The following IQUB variants were observed in gnomAD, a reference collection of about 807,000 sequenced individuals.
IQUB encodes the protein IQ motif and ubiquitin domain containing.
A neutral mutation model predicts 86.4 loss-of-function variants in IQUB; 86 were observed. The ratio of observed to expected loss-of-function variants is 1.00; its 90% confidence interval spans 0.84 to 1.19. The LOEUF is 1.19. Among genes scored for constraint, IQUB ranks in the 50% most tolerant of loss-of-function variants. The pLI is 0.00. For missense variants in IQUB, 946 were observed against 916.9 expected, an observed-to-expected ratio of 1.03 and a Z score of -0.41; for synonymous variants, 289 against 304.5, an observed-to-expected ratio of 0.95 and a Z score of 0.53.
intron 7 of IQUB, among the ~76,000 whole-genome samples, chr7:123,487,518 G>T (rs1399145587): frequency 6.6e-6 from 1 of 152,174 alleles, no homozygotes; most frequent in African/African-American, 2.4e-5. Flanking sequence ...TGCCTGTGAT[G>T]ACATTCTGTC....
At chr7:123,493,638 C>A (rs1795570706) in intron 7 of IQUB, among the ~76,000 whole-genome samples, 1 of 151,708 alleles carries the variant, frequency 6.6e-6, no homozygotes, top group Admixed American at 6.6e-5. Context: ...CTCTAAAAAA[C>A]CATCTGGCAG....
Position 123,452,815 on chromosome 7 carries a change from A to G in IQUB, c.2304T>C (p.Ile768=), listed in dbSNP as rs758826259. The change falls in exon 13 of 13, where the codon ATT becomes ATC. Residue 768 remains isoleucine (I), a synonymous_variant. Transcript: ENST00000324698. The part of the protein sequence containing the change: ...LASFILDDGE[I]DEIRWKYHSD... ...AGTGATACTTCCATCTGATCTCATC[A>G]ATTTCACCATCATCAAGTATAAATG... is the stretch of plus-strand genomic sequence containing the variant. 7 of 1,613,690 alleles carry G rather than the reference A, an allele frequency of 4.3e-6. No homozygotes were observed. The highest frequency in any genetic ancestry group is 5.1e-6 in the Non-Finnish European group (6 of 1,179,702).
Position 123,502,950 on chromosome 7 carries a change from A to C in IQUB, c.861T>G (p.Asp287Glu). The C allele has an allele frequency of 6.2e-7, 1 of 1,609,396 alleles. No individual in the cohort carries two copies. ...IPERLSIFCR[D>E]TQTVFQKKNL... ...AGACAAATAAAAACATTACCTGCGT[A>C]TCCCTACAAAATATACTGAGTCTTT... The change falls in exon 5 of 13, where the codon GAT (aspartate) becomes GAG (glutamate). Residue 287 changes from aspartate (D) to glutamate (E), a missense_variant. Physicochemically the swap from Asp to Glu is conservative, Grantham distance 45. Transcript: ENST00000324698.
intron 1 of IQUB, chr7:123,532,904 C>T (rs544136703): frequency 0.011 from 1,733 of 152,434 alleles, 17 homozygotes; most frequent in Middle Eastern, 0.041. Flanking sequence ...CGGAAGGCGC[C>T]GCCAGTGACC....
At chr7:123,484,054 C>T (rs570227370) in intron 7 of IQUB, among the ~76,000 whole-genome samples, 55 of 152,138 alleles carry the variant, frequency 3.6e-4, no homozygotes, top group African/African-American at 1.2e-3. Flanking sequence ...ATTTCTTTCT[C>T]TTCTCAAATT....
Position 123,503,234 on chromosome 7 carries a change from A to G in IQUB, c.662T>C (p.Val221Ala), listed in dbSNP as rs758190050. The change falls in exon 4 of 13, where the codon GTC (valine) becomes GCC (alanine). Residue 221 changes from valine (V) to alanine (A), a missense_variant. Coordinates refer to ENST00000324698, the MANE Select transcript of IQUB (RefSeq NM_178827.5). ...PVRRIDGLTD[V>A]SQIITVTVQT... is the part of the protein sequence containing the mutation. The stretch of plus-strand genomic sequence containing the variant: ...GACAGTGACAGTTATGATTTGAGAG[A>G]CATCAGTTAATCCATCTATTCTTCT... The G allele has an allele frequency of 6.2e-7, 1 of 1,612,316 alleles. No individual in the cohort carries two copies. The highest frequency in any genetic ancestry group is 1.1e-5 in the South Asian group (1 of 90,660).
At chr7:123,482,226 T>C (rs575026763) in intron 7 of IQUB, among the ~76,000 whole-genome samples, 125 of 152,156 alleles carry the variant, frequency 8.2e-4, no homozygotes, top group Non-Finnish European at 1.6e-3. Flanking sequence ...TTGGAGAGTA[T>C]GTTTTATATT....
intron 6 of IQUB, chr7:123,502,202 TAAAAC>T (rs1795976698): frequency 6.1e-6 from 1 of 164,286 alleles, no homozygotes; most frequent in Non-Finnish European, 1.3e-5. Context: ...TGCAAAAAAA[TAAAAC>T]AGAGTTGGAG....
At chr7:123,511,781 G>C (rs886721358) in intron 2 of IQUB, among the ~76,000 whole-genome samples, 163 bp downstream of exon 2, 2 of 152,144 alleles carry the variant, frequency 1.3e-5, no homozygotes, top group Non-Finnish European at 2.9e-5. Context: ...TTCACAAATA[G>C]TTAAGAGATT....
intron 1 of IQUB, among the ~76,000 whole-genome samples, chr7:123,515,911 A>G (rs115786494): frequency 0.015 from 2,307 of 152,240 alleles, 50 homozygotes; most frequent in African/African-American, 0.052. Context: ...ACCAAAGCCT[A>G]AGGGTAAAGA....
intron 7 of IQUB, 133 bp from the exon 8 acceptor site, chr7:123,480,103 C>T (rs1362197990): frequency 4.6e-6 from 3 of 651,200 alleles, no homozygotes; most frequent in East Asian, 2.9e-5. Flanking sequence ...TTCTATTGTA[C>T]ACCTGATGCA....
At chr7:123,488,043 C>T (rs187688878) in intron 7 of IQUB, among the ~76,000 whole-genome samples, 12 of 151,858 alleles carry the variant, frequency 7.9e-5, no homozygotes, top group Admixed American at 2.6e-4. Context: ...GACAGCATAA[C>T]AAACAATTTT....
In IQUB at chr7:123,510,541, G is replaced by A. The variant is rs528472397; in HGVS notation, c.398-506C>T. Reference sequence around the variant, plus strand: ...GATTATCTGTTCATGAATATAGGAGGGAAATACAGTATGTAAAAAGTAATT... The same window carrying A: ...GATTATCTGTTCATGAATATAGGAGAGAAATACAGTATGTAAAAAGTAATT... On this transcript the variant is annotated intron_variant, in intron 2 of 12. Transcript: ENST00000324698. 6.1e-4 allele frequency among the ~76,000 whole-genome samples: 93 copies of A among 152,000 alleles called. 2 individuals carry two copies. In the South Asian group the frequency reaches 0.019, roughly 31 times the overall value.
At chr7:123,492,761 A>T (rs911327858) in intron 7 of IQUB, among the ~76,000 whole-genome samples, 1 of 152,104 alleles carries the variant, frequency 6.6e-6, no homozygotes, top group Non-Finnish European at 1.5e-5. Flanking sequence ...GGCCTCTCAG[A>T]TGATTCAAAC....
At position 123,512,375 on chromosome 7, in the gene IQUB, C is replaced by T. The variant is rs371111945; in HGVS notation, c.-4-31G>A. The T allele has an allele frequency of 5.2e-6, 7 of 1,347,010 alleles. No homozygotes were observed. In the African/African-American group the frequency reaches 8.7e-5, roughly 17 times the overall value. The allele number at this position is 1,347,010 out of a possible 1,614,324, so 83.4% of individuals were successfully genotyped here. On this transcript the variant is annotated intron_variant, in intron 1 of 12. Transcript: ENST00000324698. ...TTAAGAAAAATAAACACATTTACTA[C>T]ATAGATGAAGTTTCTACACAAAAAA...
intron 8 of IQUB, among the ~76,000 whole-genome samples, chr7:123,473,777 T>C (rs1282107820): frequency 1.3e-5 from 2 of 150,008 alleles, no homozygotes; most frequent in Admixed American, 1.3e-4. Flanking sequence ...AGTAGAGACA[T>C]GGTTTTACCA....
intron 1 of IQUB, 26 bp from the exon 2 acceptor site, chr7:123,512,370 T>G: frequency 2.2e-6 from 3 of 1,390,062 alleles, no homozygotes; most frequent in Non-Finnish European, 2.9e-6. Context: ...TAAACACATT[T>G]ACTACATAGA....
At chr7:123,514,846 G>A (rs541978687) in intron 1 of IQUB, among the ~76,000 whole-genome samples, 20 of 152,224 alleles carry the variant, frequency 1.3e-4, no homozygotes, top group Admixed American at 5.9e-4. Flanking sequence ...GAGAACATGT[G>A]ATATTTGACT....
chr7:123,458,523 G>T (rs1303060959), intron 11 of IQUB, among the ~76,000 whole-genome samples: 2 of 151,850 alleles, frequency 1.3e-5, no homozygotes, highest in South Asian at 4.1e-4. Flanking sequence ...TGCTAAAAAA[G>T]ACAATACTCT....
Sources: allele counts gnomAD v4.1 joint callset (sites outside exome capture counted in the v4.1 genomes callset), GRCh38; gene constraint gnomAD v4.1.1; transcripts MANE v1.5; gene names NCBI Gene and HGNC (gene_info 2026-07-23, HGNC 2026-07-21).